SERGEF: variants seen among roughly 807,000 people sequenced by gnomAD.
SERGEF encodes the protein secretion-regulating guanine nucleotide exchange factor.
Under a neutral mutation model 50.0 loss-of-function variants are expected in SERGEF, and 51 were observed. The observed-to-expected ratio is 1.02, with a 90% CI of 0.81 to 1.29. SERGEF has a LOEUF of 1.29. Ranked by LOEUF, SERGEF falls within the 50% of genes most tolerant of loss-of-function variation. The pLI is 0.00. For missense variants in SERGEF, 521 were observed against 557.0 expected, an observed-to-expected ratio of 0.94 and a Z score of 0.65; for synonymous variants, 205 against 212.4, an observed-to-expected ratio of 0.97 and a Z score of 0.30.
At chr11:18,004,366 T>C (rs1854028656) in intron 4 of SERGEF, 75 bp downstream of exon 4, 1 of 1,090,856 alleles carries the variant, frequency 9.2e-7, no homozygotes, top group Admixed American at 2.1e-5. Context: ...AGCCTTTTAT[T>C]CTGGGGAGAG....
chr11:17,972,109 A>G (rs1853259761), intron 8 of SERGEF, among the ~76,000 whole-genome samples: 2 of 152,234 alleles, frequency 1.3e-5, no homozygotes, highest in South Asian at 4.1e-4. Flanking sequence ...ATGGCAAAGA[A>G]AGTGATTTAT....
At chr11:17,865,950 C>T (rs1405743319) in intron 10 of SERGEF, among the ~76,000 whole-genome samples, 1 of 152,186 alleles carries the variant, frequency 6.6e-6, no homozygotes, top group East Asian at 1.9e-4. Flanking sequence ...GAACAACTTC[C>T]AGTCCTGAAA....
chr11:18,012,948 T>C lies in SERGEF; in HGVS notation c.60+3A>G. ...GCACCGGCCCGGGGGCGGAGTCACG[T>C]ACCCAGGCGAAGAGCGCGGCCGCCG... On this transcript the variant is annotated splice_donor_region_variant and intron_variant, in intron 1 of 10. Coordinates refer to ENST00000265965, the MANE Select transcript of SERGEF (RefSeq NM_012139.4). 1 of 1,503,042 alleles carries C rather than the reference T, an allele frequency of 6.7e-7. No individual in the cohort carries two copies. Among genetic ancestry groups the C allele is most frequent in the South Asian group, 1.2e-5 (1 of 81,042 alleles). The allele number at this position is 1,503,042 out of a possible 1,614,324, so 93.1% of individuals were successfully genotyped here.
chr11:17,961,172 G>C (rs575120951), intron 8 of SERGEF, among the ~76,000 whole-genome samples: 1 of 152,236 alleles, frequency 6.6e-6, no homozygotes, highest in South Asian at 2.1e-4. Context: ...ACTAGCCCAG[G>C]GTCACACAGC....
chr11:17,986,131 T>C (rs1853590899), intron 8 of SERGEF, among the ~76,000 whole-genome samples: 1 of 152,152 alleles, frequency 6.6e-6, no homozygotes, highest in Non-Finnish European at 1.5e-5. Flanking sequence ...AATAACTCCT[T>C]GTTCCACTAA....
At chr11:17,840,576 G>A (rs1850482856) in intron 10 of SERGEF, among the ~76,000 whole-genome samples, 1 of 152,156 alleles carries the variant, frequency 6.6e-6, no homozygotes, top group East Asian at 1.9e-4. Flanking sequence ...GTAAGGTGGG[G>A]TGGCTCAGAG....
At chr11:17,970,022 T>C (rs1023956110) in intron 8 of SERGEF, among the ~76,000 whole-genome samples, 1 of 152,236 alleles carries the variant, frequency 6.6e-6, no homozygotes, top group East Asian at 1.9e-4. Flanking sequence ...AAGACTAGAC[T>C]AGAACCCAGG....
chr11:18,001,917 C>G (rs575326838), intron 4 of SERGEF: 1 of 449,882 alleles, frequency 2.2e-6, no homozygotes, highest in South Asian at 1.6e-5. Flanking sequence ...CTTTAGGACC[C>G]TCAAGGGCAG....
intron 10 of SERGEF, among the ~76,000 whole-genome samples, chr11:17,840,996 G>C (rs1304507876): frequency 6.6e-6 from 1 of 152,130 alleles, no homozygotes; most frequent in Non-Finnish European, 1.5e-5. Flanking sequence ...TATCTAAATT[G>C]TTTCCCCTAA....
At chr11:17,846,733 G>A (rs759421071) in intron 10 of SERGEF, 9 of 456,084 alleles carry the variant, frequency 2.0e-5, no homozygotes, top group Non-Finnish European at 4.0e-5. Flanking sequence ...CAGCAAAACT[G>A]GGATAATAAT....
chr11:17,898,641 C>T (rs1005918776), intron 9 of SERGEF, among the ~76,000 whole-genome samples: 2 of 152,118 alleles, frequency 1.3e-5, no homozygotes, highest in Admixed American at 1.3e-4. Flanking sequence ...AAACGTTTTT[C>T]CCCCAGACCT....
chr11:17,912,699 T>C (rs891651915), intron 9 of SERGEF, among the ~76,000 whole-genome samples: 2 of 152,194 alleles, frequency 1.3e-5, no homozygotes, highest in Non-Finnish European at 1.5e-5. Flanking sequence ...AATAAAGGAC[T>C]TGCGCAGAAT....
intron 10 of SERGEF, among the ~76,000 whole-genome samples, chr11:17,789,236 A>G (rs571739780): frequency 2.0e-5 from 3 of 152,246 alleles, no homozygotes; most frequent in Admixed American, 6.5e-5. Context: ...CTGCCCTTGT[A>G]TTCTTCCCTC....
intron 8 of SERGEF, among the ~76,000 whole-genome samples, chr11:17,978,131 C>T (rs1218812075): frequency 1.3e-5 from 2 of 152,124 alleles, no homozygotes; most frequent in Non-Finnish European, 2.9e-5. Flanking sequence ...TCAATCCTCA[C>T]CTAGAATGAA....
chr11:17,791,940 CT>C (rs1849490138), intron 10 of SERGEF, among the ~76,000 whole-genome samples: 2 of 152,106 alleles, frequency 1.3e-5, no homozygotes, highest in South Asian at 2.1e-4. Flanking sequence ...TTTAGCATTA[CT>C]TTTTTTTCCT....
intron 10 of SERGEF, among the ~76,000 whole-genome samples, chr11:17,844,265 A>G (rs1850559452): frequency 6.6e-6 from 1 of 152,234 alleles, no homozygotes; most frequent in Non-Finnish European, 1.5e-5. Context: ...ACATATTTAT[A>G]CATTCACATG....
intron 10 of SERGEF, among the ~76,000 whole-genome samples, chr11:17,807,071 G>A (rs1365150133): frequency 6.6e-6 from 1 of 152,154 alleles, no homozygotes; most frequent in African/African-American, 2.4e-5. Context: ...CGATGGAATA[G>A]CATTTTCTTT....
At chr11:17,977,690 T>C (rs1422791428) in intron 8 of SERGEF, among the ~76,000 whole-genome samples, 1 of 152,074 alleles carries the variant, frequency 6.6e-6, no homozygotes, top group Non-Finnish European at 1.5e-5. Flanking sequence ...ACAAGGCCTG[T>C]GGGAGGTGAT....
At chr11:17,823,712 G>A (rs1260739823) in intron 10 of SERGEF, among the ~76,000 whole-genome samples, 2 of 152,132 alleles carry the variant, frequency 1.3e-5, no homozygotes, top group African/African-American at 4.8e-5. Flanking sequence ...AGGGCACTCA[G>A]GGTACTGCTC....
Sources: gnomAD v4.1 joint callset for allele counts (sites outside exome capture counted in the v4.1 genomes callset) on GRCh38, gnomAD v4.1.1 for gene constraint, MANE v1.5 for transcripts, NCBI Gene and HGNC (gene_info 2026-07-23, HGNC 2026-07-21) for gene names.